PTPRN2: variants seen among roughly 807,000 people sequenced by gnomAD.
The protein encoded by PTPRN2 is receptor-type tyrosine-protein phosphatase N2.
A neutral mutation model predicts 118.8 loss-of-function variants in PTPRN2; 74 were observed. The ratio of observed to expected loss-of-function variants is 0.62; its 90% CI spans 0.52 to 0.76. PTPRN2 has a LOEUF of 0.76. Ranked by LOEUF, PTPRN2 falls within the 30% of genes least tolerant of loss-of-function variation. PTPRN2 has a pLI of 0.00. For missense variants in PTPRN2, 1,481 were observed against 1,394.4 expected (o/e 1.06, Z -0.99); for synonymous variants, 641 against 608.0 (o/e 1.05, Z -0.80).
At chr7:158,428,111 GA>G (rs1478908015) in intron 2 of PTPRN2, among the ~76,000 whole-genome samples, 2 of 152,254 alleles carry the variant, frequency 1.3e-5, no homozygotes, top group African/African-American at 4.8e-5. Context: ...AGTGTTTAAA[GA>G]AGGTTATGAT....
intron 2 of PTPRN2, among the ~76,000 whole-genome samples, chr7:158,450,944 G>A (rs1167226808): frequency 4.6e-5 from 7 of 152,184 alleles, no homozygotes; most frequent in African/African-American, 9.6e-5. Context: ...AGCCCCCGAG[G>A]AGCTCAGAGG....
At chr7:157,702,782 AAACAC>A (rs1235720964) in intron 12 of PTPRN2, among the ~76,000 whole-genome samples, 1 of 152,204 alleles carries the variant, frequency 6.6e-6, no homozygotes, top group Non-Finnish European at 1.5e-5. Flanking sequence ...GTGCCATTTC[AAACAC>A]CCGCCGTCCT....
intron 12 of PTPRN2, among the ~76,000 whole-genome samples, chr7:157,693,488 C>T (rs1404275383): frequency 1.3e-5 from 2 of 152,136 alleles, no homozygotes; most frequent in Admixed American, 6.5e-5. Context: ...GGCATCCTGC[C>T]CTCGCTGCCC....
chr7:158,518,164 A>G (rs967596865), intron 1 of PTPRN2, among the ~76,000 whole-genome samples: 2 of 152,348 alleles, frequency 1.3e-5, no homozygotes, highest in Non-Finnish European at 1.5e-5. Flanking sequence ...TTAGAGCCCA[A>G]TAGTTCTTAC....
rs60504259 is a variant in PTPRN2, at chr7:157,675,211, T to A, written c.2001+7514A>T. Among the ~76,000 whole-genome samples, 5 of 152,274 alleles carry A rather than the reference T, an allele frequency of 3.3e-5. No homozygotes were observed. In the East Asian group the frequency reaches 9.7e-4, roughly 30 times the overall value. ...GCTCGCGTCCTTCGGAGAGCCTGCC[T>A]CCCGCCATGGGCAGCAGGGTTCCCG... On this transcript the variant is annotated intron_variant, in intron 13 of 22. Coordinates refer to ENST00000389418, the MANE Select transcript of PTPRN2 (RefSeq NM_002847.5).
At chr7:158,086,014 C>G (rs1479246235) in intron 10 of PTPRN2, among the ~76,000 whole-genome samples, 2 of 152,232 alleles carry the variant, frequency 1.3e-5, no homozygotes, top group Non-Finnish European at 2.9e-5. Context: ...ACATTGTAAC[C>G]ACGTGTCCCG....
At chr7:157,876,340 T>G (rs758125215) in intron 12 of PTPRN2, among the ~76,000 whole-genome samples, 16 of 152,278 alleles carry the variant, frequency 1.1e-4, no homozygotes, top group Middle Eastern at 3.4e-3. Flanking sequence ...ATTCCCAGCA[T>G]GGAGAAGCCT....
rs1430612292 is a variant in PTPRN2, at chr7:157,925,340, G to GAA, written c.1724-26604_1724-26603insTT. On this transcript the variant is annotated intron_variant, in intron 11 of 22. Coordinates refer to ENST00000389418, the MANE Select transcript of PTPRN2 (RefSeq NM_002847.5). ...AGCACGTCAGGCAAATGCAGTTATT[G>GAA]ATATGTAGTCAGGATGCAGGCACCT... Among the ~76,000 whole-genome samples, 73 of 152,130 alleles carry GAA rather than the reference G, an allele frequency of 4.8e-4. 1 individual carries two copies. The highest frequency in any genetic ancestry group is 1.6e-3 in the African/African-American group (67 of 41,448).
At chr7:158,276,422 G>A (rs1798997405) in intron 3 of PTPRN2, among the ~76,000 whole-genome samples, 1 of 106,522 alleles carries the variant, frequency 9.4e-6, no homozygotes, top group Admixed American at 9.9e-5. Flanking sequence ...GCCCCGACAG[G>A]CTGTAAGGCA....
intron 12 of PTPRN2, among the ~76,000 whole-genome samples, chr7:157,840,644 G>C (rs1053505375): frequency 2.0e-4 from 30 of 152,226 alleles, no homozygotes; most frequent in East Asian, 1.5e-3. Context: ...AATTTAGGGA[G>C]TGGTGCTGGA....
At position 157,619,011 on chromosome 7, in the gene PTPRN2, A is replaced by G. The variant is rs932725160; in HGVS notation, c.2344+2351T>C. On this transcript the variant is annotated intron_variant, in intron 15 of 22. Coordinates refer to ENST00000389418, the MANE Select transcript of PTPRN2 (RefSeq NM_002847.5). The surrounding 1 kb of genome is among the most constrained non-coding windows in gnomAD (Gnocchi z 5.3). ...GGGCTGTCCTGATCCCCATGAGAAC[A>G]TCAGGCGCCCATCCACATGTGGCCA... 6.6e-6 allele frequency among the ~76,000 whole-genome samples: 1 copy of G among 152,022 alleles called. No homozygotes were observed. Among genetic ancestry groups the G allele is most frequent in the Non-Finnish European group, 1.5e-5 (1 of 68,016 alleles).
intron 14 of PTPRN2, among the ~76,000 whole-genome samples, chr7:157,638,983 C>T (rs1804504221): frequency 6.6e-6 from 1 of 152,170 alleles, no homozygotes; most frequent in Admixed American, 6.5e-5. Context: ...GTGATCATTA[C>T]CTGCTCATCT....
intron 6 of PTPRN2, among the ~76,000 whole-genome samples, chr7:158,144,967 C>A (rs1014803387): frequency 1.4e-5 from 2 of 141,328 alleles, no homozygotes; most frequent in African/African-American, 5.4e-5. Context: ...CTCACATCAT[C>A]GCAAGAAGGT....
chr7:158,522,377 G>A (rs918941642), intron 1 of PTPRN2, among the ~76,000 whole-genome samples: 3 of 143,714 alleles, frequency 2.1e-5, no homozygotes, highest in African/African-American at 7.8e-5. Flanking sequence ...TGGCTCGGGA[G>A]GGAGGTCCAC....
At chr7:158,388,154 T>C (rs1037614464) in intron 2 of PTPRN2, among the ~76,000 whole-genome samples, 1 of 151,960 alleles carries the variant, frequency 6.6e-6, no homozygotes, top group African/African-American at 2.4e-5. Context: ...ACTCTGCAGG[T>C]CTCGGCAAGG....
At chr7:157,751,642 T>C (rs867725446) in intron 12 of PTPRN2, among the ~76,000 whole-genome samples, 4 of 152,014 alleles carry the variant, frequency 2.6e-5, no homozygotes, top group Middle Eastern at 3.4e-3. Flanking sequence ...CTCCCTCAAA[T>C]GACTGTTTAA....
At chr7:158,284,273 C>T (rs1246763568) in intron 3 of PTPRN2, among the ~76,000 whole-genome samples, 1 of 152,132 alleles carries the variant, frequency 6.6e-6, no homozygotes, top group African/African-American at 2.4e-5. Flanking sequence ...CTGTTGTGTG[C>T]CAGGAACTCT....
intron 6 of PTPRN2, among the ~76,000 whole-genome samples, chr7:158,153,623 C>T (rs1181095749): frequency 8.5e-5 from 13 of 152,262 alleles, no homozygotes; most frequent in South Asian, 2.1e-4. Flanking sequence ...CAACAGGACA[C>T]GGAGGGAGAG....
rs866960366 is a variant in PTPRN2, at chr7:157,657,093, C to T, written c.2002-542G>A. Among the ~76,000 whole-genome samples the T allele has an allele frequency of 9.7e-3, 883 of 90,966 alleles. 44 individuals carry two copies. The highest frequency in any genetic ancestry group is 0.039 in the East Asian group (104 of 2,644). The allele number at this position is 90,966 out of a possible 152,430, so 59.7% of individuals were successfully genotyped here. On this transcript the variant is annotated intron_variant, in intron 13 of 22. Transcript: ENST00000389418. ...CACGTCACACATATACACACACATA[C>T]GCCACACACACACACCACACACATC...
Sources: allele counts gnomAD v4.1 joint callset (sites outside exome capture counted in the v4.1 genomes callset), GRCh38; gene constraint gnomAD v4.1.1; non-coding constraint Gnocchi (gnomAD v3.1); transcripts MANE v1.5; gene names NCBI Gene and HGNC (gene_info 2026-07-23, HGNC 2026-07-21).